LIX1: variants seen among roughly 807,000 people sequenced by gnomAD.
The protein encoded by LIX1 is protein limb expression 1 homolog.
A neutral mutation model predicts 33.4 loss-of-function variants in LIX1; 24 were observed. The ratio of observed to expected loss-of-function variants is 0.72; its 90% CI spans 0.52 to 1.01. The LOEUF (loss-of-function observed/expected upper bound fraction) is 1.01, where lower values mean the gene tolerates loss of function less well. LIX1 is among the 50% of genes least tolerant of loss of function. The probability of loss-of-function intolerance (pLI) is 0.00; values close to 1 mark genes in which losing one functional copy is unlikely to be tolerated. For synonymous variants in LIX1, 124 were observed against 124.0 expected, an observed-to-expected ratio of 1.00 and a Z score of 0.00; for missense variants, 311 against 339.2, an observed-to-expected ratio of 0.92 and a Z score of 0.65.
rs1367286888 is a variant in LIX1, at chr5:97,142,529, C to T, written c.48G>A (p.Leu16=). 1 of 1,614,064 alleles carries T rather than the reference C, an allele frequency of 6.2e-7. No homozygotes were observed. Among genetic ancestry groups the T allele is most frequent in the South Asian group, 1.1e-5 (1 of 91,074 alleles). Residue 16 remains leucine (L), a synonymous_variant, in exon 1 of 6, where the codon TTG becomes TTA. Coordinates refer to ENST00000274382, the MANE Select transcript of LIX1 (RefSeq NM_153234.5). The stretch of plus-strand genomic sequence containing the variant: ...AGACTAGAGCCGGATCTCTGTGAGG[C>T]AAGACTTGGGCAATGATGTGTCTCA... ...ESLRHIIAQV[L]PHRDPALVFK...
chr5:97,112,657 A>C (rs1257469688), intron 2 of LIX1, among the ~76,000 whole-genome samples: 1 of 152,210 alleles, frequency 6.6e-6, no homozygotes, highest in Non-Finnish European at 1.5e-5. Context: ...TTTCTCAGGC[A>C]TGTGGAGCCA....
intron 1 of LIX1, among the ~76,000 whole-genome samples, chr5:97,127,726 T>TGCGTCAATCA (rs1489321793): frequency 6.6e-6 from 1 of 152,114 alleles, no homozygotes; most frequent in Non-Finnish European, 1.5e-5. Flanking sequence ...AGTTTGAGAG[T>TGCGTCAATCA]AGGCGTCAAT....
intron 2 of LIX1, among the ~76,000 whole-genome samples, chr5:97,117,867 G>A (rs893855497): frequency 3.3e-5 from 5 of 150,552 alleles, no homozygotes; most frequent in East Asian, 3.9e-4. Flanking sequence ...GTGCCACCCC[G>A]CATCTCACTA....
chr5:97,135,127 C>T (rs1242061362), intron 1 of LIX1, among the ~76,000 whole-genome samples: 1 of 151,774 alleles, frequency 6.6e-6, no homozygotes, highest in African/African-American at 2.4e-5. Context: ...TCTCAGGAGA[C>T]TCTGCAAAAC....
chr5:97,108,020 C>T (rs182541230), intron 2 of LIX1, among the ~76,000 whole-genome samples: 34 of 152,304 alleles, frequency 2.2e-4, no homozygotes, highest in African/African-American at 7.7e-4. Flanking sequence ...CAATTTCCTC[C>T]TCTATAAAAT....
At chr5:97,100,364 A>G (rs316190) in intron 4 of LIX1, among the ~76,000 whole-genome samples, 56,314 of 151,914 alleles carry the variant, frequency 0.37, 13,029 homozygotes, top group African/African-American at 0.67. Flanking sequence ...CTCCAGTAAC[A>G]CAACTGCCAC....
intron 1 of LIX1, among the ~76,000 whole-genome samples, chr5:97,124,987 C>T (rs569513450): frequency 3.3e-5 from 5 of 152,176 alleles, no homozygotes; most frequent in Admixed American, 3.3e-4. Flanking sequence ...TCTCATTCTG[C>T]TTTGAACATT....
At chr5:97,127,872 A>C (rs777039587) in intron 1 of LIX1, among the ~76,000 whole-genome samples, 1 of 152,214 alleles carries the variant, frequency 6.6e-6, no homozygotes, top group Non-Finnish European at 1.5e-5. Context: ...ATCTGCACAA[A>C]TGCTCAGCTC....
At chr5:97,117,161 C>A (rs944252141) in intron 2 of LIX1, among the ~76,000 whole-genome samples, 7 of 152,066 alleles carry the variant, frequency 4.6e-5, no homozygotes, top group African/African-American at 1.7e-4. Flanking sequence ...ACTAACCTTC[C>A]CGTCTTTGAG....
intron 1 of LIX1, among the ~76,000 whole-genome samples, chr5:97,133,126 G>C (rs1216177469): frequency 6.6e-6 from 1 of 152,178 alleles, no homozygotes; most frequent in African/African-American, 2.4e-5. Flanking sequence ...GGATTACAGG[G>C]TTTGTTATAG....
chr5:97,096,076 T>C (rs1746361531), intron 5 of LIX1, among the ~76,000 whole-genome samples: 1 of 152,210 alleles, frequency 6.6e-6, no homozygotes, highest in African/African-American at 2.4e-5. Flanking sequence ...GAGGCTTTCT[T>C]CCTCATACAA....
chr5:97,129,098 C>A (rs368387605), intron 1 of LIX1, among the ~76,000 whole-genome samples: 1 of 152,158 alleles, frequency 6.6e-6, no homozygotes, highest in Non-Finnish European at 1.5e-5. Context: ...TCACCCTTCA[C>A]GTTCCTCACT....
At chr5:97,105,061 G>A in intron 4 of LIX1, 129 bp downstream of exon 4, 1 of 795,376 alleles carries the variant, frequency 1.3e-6, no homozygotes. Context: ...AGGAGGGTTA[G>A]ATTAAAATGA....
intron 1 of LIX1, among the ~76,000 whole-genome samples, chr5:97,126,565 T>C (rs1046289392): frequency 1.3e-5 from 2 of 152,124 alleles, no homozygotes; most frequent in African/African-American, 4.8e-5. Context: ...ACATATTGAA[T>C]GGTCAAGTTG....
chr5:97,141,675 G>A (rs1266023148), intron 1 of LIX1, among the ~76,000 whole-genome samples: 1 of 152,110 alleles, frequency 6.6e-6, no homozygotes, highest in Non-Finnish European at 1.5e-5. Flanking sequence ...AATTCCATAT[G>A]CATTTTACCT....
At chr5:97,118,295 A>G (rs190487692) in intron 2 of LIX1, among the ~76,000 whole-genome samples, 2 of 152,358 alleles carry the variant, frequency 1.3e-5, no homozygotes, top group African/African-American at 2.4e-5. Context: ...CCAGCAGGCT[A>G]TATGTGGAAG....
chr5:97,138,148 G>A (rs1261725895), intron 1 of LIX1, among the ~76,000 whole-genome samples: 1 of 152,124 alleles, frequency 6.6e-6, no homozygotes, highest in Non-Finnish European at 1.5e-5. Flanking sequence ...ATTTTTCAAC[G>A]CTTAGTAAAG....
intron 4 of LIX1, among the ~76,000 whole-genome samples, chr5:97,098,875 T>C (rs1746528087): frequency 6.6e-6 from 1 of 152,242 alleles, no homozygotes; most frequent in Admixed American, 6.5e-5. Context: ...GAAGAGCAAA[T>C]AGCACTTCTC....
chr5:97,132,557 G>A (rs1008862540), intron 1 of LIX1, among the ~76,000 whole-genome samples: 1 of 152,038 alleles, frequency 6.6e-6, no homozygotes, highest in African/African-American at 2.4e-5. Flanking sequence ...CAGTAGGAAG[G>A]GATATGATTT....
Sources: allele counts gnomAD v4.1 joint callset (sites outside exome capture counted in the v4.1 genomes callset), GRCh38; gene constraint gnomAD v4.1.1; transcripts MANE v1.5; gene names NCBI Gene and HGNC (gene_info 2026-07-23, HGNC 2026-07-21).